ASPH: variants seen among roughly 807,000 people sequenced by gnomAD.
ASPH encodes the protein aspartate beta-hydroxylase, also known as aspartyl/asparaginyl beta-hydroxylase.
In ASPH, 100 loss-of-function variants were observed where a neutral mutation model predicts 118.4. The observed-to-expected ratio is 0.84, with a 90% CI of 0.72 to 1.00. The LOEUF (loss-of-function observed/expected upper bound fraction) is 1.00. Among genes scored for constraint, ASPH ranks in the 50% least tolerant of loss-of-function variants. The pLI is 0.00. For synonymous variants in ASPH, 315 were observed against 325.6 expected (o/e 0.97, Z 0.35); for missense variants, 920 against 919.5 (o/e 1.00, Z -0.01).
intron 3 of ASPH, among the ~76,000 whole-genome samples, chr8:61,666,547 AT>A (rs1225109292): frequency 6.6e-6 from 1 of 152,238 alleles, no homozygotes; most frequent in Non-Finnish European, 1.5e-5. Context: ...GTTTTTGCCC[AT>A]CAAAATCACA....
chr8:61,653,627 A>G lies in ASPH; in HGVS notation c.356T>C (p.Val119Ala). The change falls in exon 4 of 25, where the codon GTC becomes GCC. Residue 119 changes from valine to alanine, a missense_variant. By Grantham distance (64) the Val-to-Ala change is moderately conservative. Transcript: ENST00000379454. ...GTGTGGCTCAGCCTCTTCTGGCGGG[A>G]CTGCTGGCTCTGAAGTAGATCTCTC... ...LKERSTSEPAVPPEEAEPHTE... is the reference protein window; with the variant it reads ...LKERSTSEPAAPPEEAEPHTE... 2 of 1,613,880 alleles carry G rather than the reference A, an allele frequency of 1.2e-6. No individual in the cohort carries two copies. The highest frequency in any genetic ancestry group is 1.7e-6 in the Non-Finnish European group (2 of 1,179,980).
chr8:61,579,789 C>T, intron 15 of ASPH: 1 of 740,866 alleles, frequency 1.3e-6, no homozygotes, highest in East Asian at 2.6e-5. Context: ...CAGCCCTAGC[C>T]CTCAGCCCAC....
chr8:61,511,262 T>C (rs563637668), intron 24 of ASPH, among the ~76,000 whole-genome samples: 6 of 152,230 alleles, frequency 3.9e-5, no homozygotes, highest in African/African-American at 1.2e-4. Context: ...GATTAAATGA[T>C]TGATTGCCAA....
intron 21 of ASPH, among the ~76,000 whole-genome samples, chr8:61,538,864 C>A (rs1040345143): frequency 2.6e-5 from 4 of 152,182 alleles, no homozygotes; most frequent in Admixed American, 2.0e-4. Flanking sequence ...CAAGCAGCTG[C>A]GCTGAAAAAC....
At chr8:61,503,713 T>C (rs549412375) in intron 24 of ASPH, among the ~76,000 whole-genome samples, 2 of 152,274 alleles carry the variant, frequency 1.3e-5, no homozygotes, top group Non-Finnish European at 2.9e-5. Context: ...TCAGTTTTCA[T>C]TGCTCAGTGC....
At chr8:61,662,228 T>C (rs72659034) in intron 3 of ASPH, among the ~76,000 whole-genome samples, 28,044 of 152,176 alleles carry the variant, frequency 0.18, 2,723 homozygotes, top group South Asian at 0.35. Flanking sequence ...ATCTTTTTCT[T>C]ACAAAGTTTA....
chr8:61,525,983 G>C lies in ASPH; in HGVS notation c.1894C>G (p.Gln632Glu). The C allele has an allele frequency of 6.2e-7, 1 of 1,613,822 alleles. No homozygotes were observed. The highest frequency in any genetic ancestry group is 8.5e-7 in the Non-Finnish European group (1 of 1,179,866). Reference protein sequence around the residue: ...KGDWSQFTLWQQGRRNENACK... With the variant: ...KGDWSQFTLWEQGRRNENACK... ...CTAGAAGTCAGAAACTCACCTTGCT[G>C]CCACAGCGTGAACTGGCTCCAGTCC... is the stretch of plus-strand genomic sequence containing the variant. The change falls in exon 22 of 25, where the codon CAG becomes GAG. Residue 632 changes from glutamine to glutamate, a missense_variant. Gln to Glu is a conservative substitution (Grantham distance 29). Transcript: ENST00000379454.
chr8:61,683,237 G>C (rs1298480316), intron 2 of ASPH, among the ~76,000 whole-genome samples: 2 of 151,888 alleles, frequency 1.3e-5, no homozygotes, highest in Non-Finnish European at 2.9e-5. Context: ...TCTGGAACTA[G>C]ATAATGCTGA....
At chr8:61,643,543 T>A in intron 8 of ASPH, 110 bp from the exon 9 acceptor site, 1 of 1,061,482 alleles carries the variant, frequency 9.4e-7, no homozygotes, top group South Asian at 1.5e-5. Context: ...GCCAGATAGA[T>A]GTTTTCATTA....
At chr8:61,699,616 C>T (rs1188829121) in intron 1 of ASPH, among the ~76,000 whole-genome samples, 2 of 152,014 alleles carry the variant, frequency 1.3e-5, no homozygotes, top group Non-Finnish European at 2.9e-5. Flanking sequence ...CAAAAAGTTT[C>T]TCTTAACTGT....
intron 13 of ASPH, chr8:61,628,323 CTTTTTTTT>C (rs398008041): frequency 2.4e-3 from 480 of 196,270 alleles, no homozygotes; most frequent in Middle Eastern, 4.5e-3. Flanking sequence ...CCAAGCCCGG[CTTTTTTTT>C]TTTTTTTTTT....
At position 61,689,590 on chromosome 8, in the gene ASPH, T is replaced by G; in HGVS notation, c.104-5402A>C. On this transcript the variant is annotated intron_variant, in intron 1 of 24. Coordinates refer to ENST00000379454, the MANE Select transcript of ASPH (RefSeq NM_004318.4). ...AGTCAAAGCACTTAGCCAAAAATAT[T>G]TTAACAGAGCACCACTGAAAATAAA... The G allele has an allele frequency of 2.2e-6, 3 of 1,382,574 alleles. No homozygotes were observed. In the South Asian group the frequency reaches 3.9e-5, roughly 18 times the overall value. 85.6% of individuals were successfully genotyped at this position (1,382,574 alleles called of 1,614,324 possible).
At chr8:61,582,655 G>A (rs192375791) in intron 15 of ASPH, among the ~76,000 whole-genome samples, 5 of 152,294 alleles carry the variant, frequency 3.3e-5, no homozygotes, top group African/African-American at 1.2e-4. Flanking sequence ...CTCACCTAAT[G>A]CCAGTTCCAA....
chr8:61,643,489 AC>A (rs1464188993), intron 8 of ASPH, 56 bp from the exon 9 acceptor site: 1 of 1,501,624 alleles, frequency 6.7e-7, no homozygotes, highest in Non-Finnish European at 9.1e-7. Flanking sequence ...ACATTGCCAG[AC>A]AGCATTCTAG....
chr8:61,514,181 C>T (rs1809981063), intron 24 of ASPH, among the ~76,000 whole-genome samples: 1 of 152,124 alleles, frequency 6.6e-6, no homozygotes, highest in African/African-American at 2.4e-5. Flanking sequence ...AGCCTCCTGG[C>T]ACCATCCACC....
intron 24 of ASPH, among the ~76,000 whole-genome samples, chr8:61,507,068 G>A (rs534192613): frequency 2.5e-4 from 38 of 152,222 alleles, no homozygotes; most frequent in African/African-American, 7.5e-4. Context: ...ATTATGATAC[G>A]TATAACAAAG....
At chr8:61,687,813 A>G (rs1239918212) in intron 1 of ASPH, 3 of 152,212 alleles carry the variant, frequency 2.0e-5, no homozygotes, top group African/African-American at 4.8e-5. Context: ...CTTAACTAGA[A>G]TATATTATCA....
intron 21 of ASPH, among the ~76,000 whole-genome samples, chr8:61,544,722 G>A (rs962343302): frequency 2.0e-5 from 3 of 152,250 alleles, no homozygotes; most frequent in Middle Eastern, 6.8e-3. Context: ...TTTATAGAAG[G>A]TCATACAATG....
intron 10 of ASPH, among the ~76,000 whole-genome samples, chr8:61,640,729 TC>T (rs1348519620): frequency 6.6e-6 from 1 of 152,212 alleles, no homozygotes; most frequent in Non-Finnish European, 1.5e-5. Context: ...TGCTCCAGTG[TC>T]CTGTGTTTCA....
Sources: gnomAD v4.1 joint callset for allele counts (sites outside exome capture counted in the v4.1 genomes callset) on GRCh38, gnomAD v4.1.1 for gene constraint, MANE v1.5 for transcripts, NCBI Gene and HGNC (gene_info 2026-07-23, HGNC 2026-07-21) for gene names.